TAT: variants seen among roughly 807,000 people sequenced by gnomAD.
TAT encodes the protein tyrosine aminotransferase, also known as L-tyrosine:2-oxoglutarate aminotransferase.
TAT carries 35 observed loss-of-function variants against 53.6 expected under a neutral mutation model. The observed-to-expected ratio is 0.65, with a 90% CI of 0.50 to 0.87. TAT has a LOEUF of 0.87. Among genes scored for constraint, TAT ranks in the 40% least tolerant of loss-of-function variants. The pLI, the probability that TAT is intolerant of heterozygous loss-of-function variation, is 0.00. For missense variants in TAT, 525 were observed against 571.8 expected, an observed-to-expected ratio of 0.92 and a Z score of 0.83; for synonymous variants, 197 against 206.5, an observed-to-expected ratio of 0.95 and a Z score of 0.39.
rs139894702 is a variant in TAT, at chr16:71,573,405, C to A, written c.408+134G>T. On this transcript the variant is annotated intron_variant, in intron 4 of 11. Transcript: ENST00000355962. ...TAGTGACCCCAACTATATGAGAAGT[C>A]TTCTAATTGCTAAAGGGAAATTGTT... 523 of 812,676 alleles carry A rather than the reference C, an allele frequency of 6.4e-4. 1 individual carries two copies. Among genetic ancestry groups the A allele is most frequent in the Non-Finnish European group, 8.9e-4 (424 of 478,794 alleles). 50.3% of individuals were successfully genotyped at this position (812,676 alleles called of 1,614,324 possible).
At chr16:71,574,319 G>A (rs192899439) in intron 3 of TAT, among the ~76,000 whole-genome samples, 66 of 152,154 alleles carry the variant, frequency 4.3e-4, no homozygotes, top group Middle Eastern at 6.8e-3. Context: ...GGTGGCTCAC[G>A]CCTGTAATCC....
chr16:71,575,376 C>T (rs574519046), intron 3 of TAT: 1 of 157,134 alleles, frequency 6.4e-6, no homozygotes, highest in South Asian at 1.9e-4. Context: ...TCAGAAACAA[C>T]CTTCTATCCT....
At chr16:71,576,976 A>T (rs1201957724) in intron 1 of TAT, 33 bp downstream of exon 1, 1 of 169,660 alleles carries the variant, frequency 5.9e-6, no homozygotes, top group Non-Finnish European at 1.3e-5. Flanking sequence ...ATCAGTCACC[A>T]CTGCCTGATC....
chr16:71,572,503 T>G (rs373716024), intron 5 of TAT, 27 bp downstream of exon 5: 1 of 1,614,098 alleles, frequency 6.2e-7, no homozygotes, highest in African/African-American at 1.3e-5. Flanking sequence ...ACTGAGCATT[T>G]GAGTCTAAGA....
In TAT at chr16:71,576,014, A is replaced by T; in HGVS notation, c.248T>A (p.Val83Glu). The T allele has an allele frequency of 6.2e-7, 1 of 1,614,144 alleles. No individual in the cohort carries two copies. Among genetic ancestry groups the T allele is most frequent in the South Asian group, 1.1e-5 (1 of 91,068 alleles). The change falls in exon 3 of 12, where the codon GTG (valine) becomes GAG (glutamate). Residue 83 changes from valine (V) to glutamate (E), a missense_variant. Transcript: ENST00000355962. ...AGGGTCTGTAGGCAGGTTTCCAAAC[A>T]CAGTAGGGTCCCCTTTTTATGGGAG... is the stretch of plus-strand genomic sequence containing the variant. Reference protein sequence around the residue: ...MISLSIGDPTVFGNLPTDPEV... With the variant: ...MISLSIGDPTEFGNLPTDPEV...
At chr16:71,576,479 C>A in intron 1 of TAT, 52 bp from the exon 2 acceptor site, 1 of 1,477,186 alleles carries the variant, frequency 6.8e-7, no homozygotes, top group Non-Finnish European at 9.4e-7. Context: ...CGCTGGGGGA[C>A]AGAGGAGCTA....
At chr16:71,570,033 T>G in intron 9 of TAT, 96 bp from the exon 10 acceptor site, 1 of 1,344,978 alleles carries the variant, frequency 7.4e-7, no homozygotes, top group Non-Finnish European at 1.0e-6. Context: ...AGTGGGAACG[T>G]AGGTGTGATG....
At chr16:71,574,443 T>C (rs2044223512) in intron 3 of TAT, among the ~76,000 whole-genome samples, 1 of 151,964 alleles carries the variant, frequency 6.6e-6, no homozygotes, top group African/African-American at 2.4e-5. Flanking sequence ...TAGCTGGGCA[T>C]TGTGGCGCGT....
At chr16:71,572,051 G>T in intron 6 of TAT, 135 bp downstream of exon 6, 1 of 1,099,956 alleles carries the variant, frequency 9.1e-7, no homozygotes, top group Non-Finnish European at 1.4e-6. Flanking sequence ...GCACAGTATT[G>T]ATGAGAGACA....
intron 10 of TAT, 34 bp downstream of exon 10, chr16:71,569,820 G>A: frequency 1.3e-6 from 2 of 1,593,984 alleles, no homozygotes; most frequent in Non-Finnish European, 1.7e-6. Context: ...CTTACAACAT[G>A]CATTGACCTA....
intron 11 of TAT, 34 bp from the exon 12 acceptor site, chr16:71,568,318 A>G: frequency 6.2e-7 from 1 of 1,612,854 alleles, no homozygotes; most frequent in Non-Finnish European, 8.5e-7. Flanking sequence ...TTTCAGAGCA[A>G]TTGAGTCTGG....
At chr16:71,568,929 A>G in intron 10 of TAT, 120 bp from the exon 11 acceptor site, 1 of 733,948 alleles carries the variant, frequency 1.4e-6, no homozygotes, top group Non-Finnish European at 2.5e-6. Context: ...GCTACTGATC[A>G]CTGATAAATA....
chr16:71,572,518 A>G lies in TAT; in HGVS notation c.567+12T>C. On this transcript the variant is annotated intron_variant, in intron 5 of 11. Coordinates refer to ENST00000355962, the MANE Select transcript of TAT (RefSeq NM_000353.3). Reference sequence around the variant, plus strand: ...ACTGAGCATTTGAGTCTAAGATTAAAAAGTCATTTACCAACAAATTGTAGA... The same window carrying G: ...ACTGAGCATTTGAGTCTAAGATTAAGAAGTCATTTACCAACAAATTGTAGA... The G allele has an allele frequency of 6.2e-7, 1 of 1,614,230 alleles. No homozygotes were observed. Among genetic ancestry groups the G allele is most frequent in the South Asian group, 1.1e-5 (1 of 91,076 alleles).
intron 7 of TAT, among the ~76,000 whole-genome samples, chr16:71,571,241 C>T (rs775634495): frequency 1.4e-4 from 21 of 152,146 alleles, no homozygotes; most frequent in Non-Finnish European, 2.8e-4. Flanking sequence ...ACTTACCATA[C>T]GTTATGTAAC....
rs1375805659 is a variant in TAT, at chr16:71,567,237, T to C, written c.*907A>G. On this transcript the variant is annotated 3_prime_UTR_variant, in exon 12 of 12. Transcript: ENST00000355962. ...CAGCCTGGCTAACATGGTGAAACCC[T>C]GTCTCTACTAAAAATACAAAAATTA... The C allele has an allele frequency of 6.6e-6, 1 of 152,198 alleles. No individual in the cohort carries two copies. The highest frequency in any genetic ancestry group is 1.9e-4 in the East Asian group (1 of 5,168). 9.4% of individuals were successfully genotyped at this position (152,198 alleles called of 1,614,324 possible).
rs1284954450 is a variant in TAT, at chr16:71,570,315, C to T, written c.995G>A (p.Cys332Tyr). 1.2e-6 allele frequency: 2 copies of T among 1,614,180 alleles called. No homozygotes were observed. Among genetic ancestry groups the T allele is most frequent in the East Asian group, 2.2e-5 (1 of 44,868 alleles). ...IVQGALKSILCRTPGEFYHNT... is the reference protein window; with the variant it reads ...IVQGALKSILYRTPGEFYHNT... ...GTGGTAAAACTCTCCCGGGGTGCGA[C>T]ATAGGATGCTTTTCAGAGCTCCCTG... Residue 332 changes from cysteine to tyrosine, a missense_variant, in exon 9 of 12, where the codon TGT (cysteine) becomes TAT (tyrosine). Physicochemically the swap from Cys to Tyr is radical, Grantham distance 194 (BLOSUM62 -2). Transcript: ENST00000355962.
At chr16:71,571,238 A>G (rs879508216) in intron 7 of TAT, among the ~76,000 whole-genome samples, 1 of 152,190 alleles carries the variant, frequency 6.6e-6, no homozygotes, top group African/African-American at 2.4e-5. Flanking sequence ...CACACTTACC[A>G]TACGTTATGT....
chr16:71,568,856 C>G, intron 10 of TAT, 47 bp from the exon 11 acceptor site: 1 of 1,429,692 alleles, frequency 7.0e-7, no homozygotes. Flanking sequence ...GGAGGGAGAA[C>G]AGGCCAATTT....
chr16:71,572,168 G>A lies in TAT; in HGVS notation c.706+18C>T. ...ATTCTGTCCCCACCTCGTCCTCTGT[G>A]AAGTCTGCTGGACGTACCTGCCAGA... On this transcript the variant is annotated intron_variant, in intron 6 of 11. Transcript: ENST00000355962. 1.9e-6 allele frequency: 3 copies of A among 1,613,998 alleles called. No homozygotes were observed. Among genetic ancestry groups the A allele is most frequent in the Non-Finnish European group, 2.5e-6 (3 of 1,179,884 alleles).
Sources: gnomAD v4.1 joint callset for allele counts (sites outside exome capture counted in the v4.1 genomes callset) on GRCh38, gnomAD v4.1.1 for gene constraint, MANE v1.5 for transcripts, NCBI Gene and HGNC (gene_info 2026-07-23, HGNC 2026-07-21) for gene names.